Variants in ITFG1 observed in about 807,000 individuals in gnomAD.
The protein encoded by ITFG1 is integrin alpha FG-GAP repeat containing 1.
Under a neutral mutation model 81.8 loss-of-function variants are expected in ITFG1, and 34 were observed. The observed-to-expected ratio is 0.42, with a 90% confidence interval of 0.32 to 0.55. The LOEUF (loss-of-function observed/expected upper bound fraction) is 0.55. ITFG1 is among the 20% of genes least tolerant of loss of function. The pLI is 0.17. For synonymous variants in ITFG1, 285 were observed against 270.6 expected (o/e 1.05, Z -0.52); for missense variants, 672 against 755.4 (o/e 0.89, Z 1.29).
At chr16:47,187,410 A>G (rs999552505) in intron 14 of ITFG1, among the ~76,000 whole-genome samples, 30 of 152,062 alleles carry the variant, frequency 2.0e-4, no homozygotes, top group Non-Finnish European at 2.2e-4. Context: ...GTACCAAAAC[A>G]GAGATATAGA....
At chr16:47,171,029 CTTTTT>C (rs61494352) in intron 14 of ITFG1, among the ~76,000 whole-genome samples, 3 of 97,728 alleles carry the variant, frequency 3.1e-5, no homozygotes, top group Admixed American at 1.1e-4. Context: ...GCCACTGTGC[CTTTTT>C]TTTTTTTTTT....
At chr16:47,354,915 C>A (rs1453256250) in intron 8 of ITFG1, among the ~76,000 whole-genome samples, 1 of 151,962 alleles carries the variant, frequency 6.6e-6, no homozygotes, top group African/African-American at 2.4e-5. Flanking sequence ...AAGTGGAGAA[C>A]AGGGAACCCT....
chr16:47,393,730 A>G (rs1363547620), intron 6 of ITFG1, among the ~76,000 whole-genome samples: 1 of 140,322 alleles, frequency 7.1e-6, no homozygotes, highest in African/African-American at 2.6e-5. Context: ...AACTCTGTCT[A>G]AAAAAAAAAA....
Position 47,365,772 on chromosome 16 carries a change from T to C in ITFG1, c.802+16A>G, listed in dbSNP as rs1260223323. Reference sequence around the variant, plus strand: ...AAAGGCAAAAGCCTTTTTTTTTTTTTTTTACCAAATCTTACCAAAGTCTGC... The same window carrying C: ...AAAGGCAAAAGCCTTTTTTTTTTTTCTTTACCAAATCTTACCAAAGTCTGC... On this transcript the variant is annotated intron_variant, in intron 8 of 17. Coordinates refer to ENST00000320640, the MANE Select transcript of ITFG1 (RefSeq NM_030790.5). 2 of 1,497,922 alleles carry C rather than the reference T, an allele frequency of 1.3e-6. No individual in the cohort carries two copies. The highest frequency in any genetic ancestry group is 4.5e-5 in the East Asian group (2 of 44,270). 92.8% of individuals were successfully genotyped at this position (1,497,922 alleles called of 1,614,324 possible).
At chr16:47,215,922 C>T (rs1279352760) in intron 14 of ITFG1, among the ~76,000 whole-genome samples, 1 of 151,654 alleles carries the variant, frequency 6.6e-6, no homozygotes, top group Non-Finnish European at 1.5e-5. Context: ...TTATTTTTAC[C>T]TTAGATATTT....
intron 14 of ITFG1, among the ~76,000 whole-genome samples, chr16:47,185,469 G>A (rs1025569392): frequency 2.6e-4 from 40 of 152,102 alleles, no homozygotes; most frequent in Non-Finnish European, 4.9e-4. Context: ...ACTCAAAACC[G>A]CTCAACTACA....
At chr16:47,266,217 T>C (rs559120684) in intron 10 of ITFG1, among the ~76,000 whole-genome samples, 5 of 152,018 alleles carry the variant, frequency 3.3e-5, no homozygotes, top group Non-Finnish European at 7.4e-5. Context: ...TTTTTTTGTT[T>C]GTTTGTTTTT....
At chr16:47,390,107 G>A (rs2151595423) in intron 6 of ITFG1, among the ~76,000 whole-genome samples, 1 of 152,338 alleles carries the variant, frequency 6.6e-6, no homozygotes, top group Non-Finnish European at 1.5e-5. Context: ...CATGAGATGT[G>A]TATGGAGAAG....
chr16:47,393,667 G>T (rs1968560090), intron 6 of ITFG1, among the ~76,000 whole-genome samples: 1 of 151,998 alleles, frequency 6.6e-6, no homozygotes, highest in African/African-American at 2.4e-5. Context: ...GGAGGTGGAG[G>T]TTGCAGTGAG....
At chr16:47,352,535 G>A (rs370542332) in intron 8 of ITFG1, among the ~76,000 whole-genome samples, 4 of 152,016 alleles carry the variant, frequency 2.6e-5, no homozygotes, top group East Asian at 1.9e-4. Context: ...TTAGAATGGC[G>A]ATCATTAAAA....
At chr16:47,207,188 T>C (rs1167981840) in intron 14 of ITFG1, among the ~76,000 whole-genome samples, 1 of 152,156 alleles carries the variant, frequency 6.6e-6, no homozygotes, top group African/African-American at 2.4e-5. Flanking sequence ...GTTCATGCCA[T>C]TCTCCCGCCT....
intron 7 of ITFG1, among the ~76,000 whole-genome samples, chr16:47,370,779 C>T (rs757021721): frequency 3.3e-5 from 5 of 152,202 alleles, no homozygotes; most frequent in Non-Finnish European, 5.9e-5. Context: ...ACACAGCCTG[C>T]CGGGTCGAGA....
intron 14 of ITFG1, 108 bp from the exon 15 acceptor site, chr16:47,162,772 G>A (rs940941308): frequency 5.5e-6 from 5 of 917,082 alleles, no homozygotes; most frequent in African/African-American, 3.4e-5. Context: ...AATGTATCAC[G>A]TTTCAAAATG....
intron 14 of ITFG1, among the ~76,000 whole-genome samples, chr16:47,171,254 T>A (rs9927255): frequency 6.6e-6 from 1 of 152,180 alleles, no homozygotes; most frequent in South Asian, 2.1e-4. Context: ...GCATTCTTCA[T>A]GCTTTGGCCT....
intron 6 of ITFG1, among the ~76,000 whole-genome samples, chr16:47,388,782 G>A (rs1299306132): frequency 1.3e-5 from 2 of 152,046 alleles, no homozygotes; most frequent in African/African-American, 2.4e-5. Context: ...GTGTGACCCC[G>A]TCTTACACTC....
At chr16:47,376,402 T>C (rs1471674462) in intron 6 of ITFG1, among the ~76,000 whole-genome samples, 2 of 152,202 alleles carry the variant, frequency 1.3e-5, no homozygotes, top group Non-Finnish European at 2.9e-5. Context: ...ATGAATAAAT[T>C]ATGTTTCAAA....
chr16:47,224,599 G>A (rs552018859), intron 13 of ITFG1, among the ~76,000 whole-genome samples: 1 of 152,246 alleles, frequency 6.6e-6, no homozygotes, highest in African/African-American at 2.4e-5. Context: ...CAGGCAATGG[G>A]AGAAATCTGG....
intron 6 of ITFG1, among the ~76,000 whole-genome samples, chr16:47,427,028 G>A (rs754117878): frequency 2.2e-4 from 33 of 152,132 alleles, no homozygotes; most frequent in Middle Eastern, 3.2e-3. Context: ...TATCTTGCCT[G>A]TCTCAACTGT....
At chr16:47,395,957 A>C (rs1176082699) in intron 6 of ITFG1, 3 of 154,616 alleles carry the variant, frequency 1.9e-5, no homozygotes, top group Admixed American at 1.3e-4. Context: ...ACCATGTAAC[A>C]CAATCTGCTG....
Sources: gnomAD v4.1 joint callset for allele counts (sites outside exome capture counted in the v4.1 genomes callset) on GRCh38, gnomAD v4.1.1 for gene constraint, MANE v1.5 for transcripts, NCBI Gene and HGNC (gene_info 2026-07-23, HGNC 2026-07-21) for gene names.